RRP1: variants seen among roughly 807,000 people sequenced by gnomAD.
RRP1 encodes the protein ribosomal RNA processing 1.
Under a neutral mutation model 54.6 loss-of-function variants are expected in RRP1, and 37 were observed. The ratio of observed to expected loss-of-function variants is 0.68; its 90% CI spans 0.52 to 0.89. RRP1 has a LOEUF of 0.89. Among genes scored for constraint, RRP1 ranks in the 40% least tolerant of loss-of-function variants. The probability of loss-of-function intolerance (pLI) is 0.00; values close to 1 mark genes in which losing one functional copy is unlikely to be tolerated. For synonymous variants in RRP1, 262 were observed against 244.3 expected, an observed-to-expected ratio of 1.07 and a Z score of -0.67; for missense variants, 639 against 612.5, an observed-to-expected ratio of 1.04 and a Z score of -0.46.
In RRP1 at chr21:43,789,647, G is replaced by A. The variant is rs1305139992; in HGVS notation, c.18G>A (p.Gln6=). Residue 6 remains glutamine, a synonymous_variant, in exon 1 of 13, where the codon CAG becomes CAA. Transcript: ENST00000497547. ...TCGGCGTCATGGTTTCGCGCGTGCA[G>A]CTCCCGCCTGAGATCCAGCTGGCTC... MVSRV[Q]LPPEIQLAQR... 6.3e-7 allele frequency: 1 copy of A among 1,584,110 alleles called. No homozygotes were observed. The highest frequency in any genetic ancestry group is 2.4e-5 in the East Asian group (1 of 42,484).
intron 12 of RRP1, among the ~76,000 whole-genome samples, chr21:43,803,057 G>A (rs2085109797): frequency 6.6e-6 from 1 of 152,230 alleles, no homozygotes; most frequent in Non-Finnish European, 1.5e-5. Context: ...CTGGCCCCAG[G>A]GCCTAGGGAT....
chr21:43,803,938 C>A lies in RRP1; in HGVS notation c.*164C>A. 1 of 845,764 alleles carries A rather than the reference C, an allele frequency of 1.2e-6. No homozygotes were observed. Among genetic ancestry groups the A allele is most frequent in the Non-Finnish European group, 1.8e-6 (1 of 569,430 alleles). 52.4% of individuals were successfully genotyped at this position (845,764 alleles called of 1,614,324 possible). A position where few individuals can be genotyped will look rare whatever the true frequency, so the allele number is the denominator to read the frequency against. ...GAGAGATGGGCCCATCATTAGGGGC[C>A]AGCATCCCAGGAACTGGACCTTTCC... is the stretch of plus-strand genomic sequence containing the variant. On this transcript the variant is annotated 3_prime_UTR_variant, in exon 13 of 13. Coordinates refer to ENST00000497547, the MANE Select transcript of RRP1 (RefSeq NM_003683.6).
rs2084980947 is a variant in RRP1 at position 43,793,382 on chromosome 21, T to G, written c.338T>G (p.Leu113Arg). 1.9e-6 allele frequency: 3 copies of G among 1,613,686 alleles called. No individual in the cohort carries two copies. The African/African-American group carries it at 4.0e-5, about 22-fold the overall frequency. The change falls in exon 4 of 13, where the codon CTG (leucine) becomes CGG (arginine). Residue 113 changes from leucine to arginine, a missense_variant. Coordinates refer to ENST00000497547, the MANE Select transcript of RRP1 (RefSeq NM_003683.6). ...MNREWTGIDR[L>R]RLDKFYMLMR... ...CGCGAGTGGACGGGCATTGACAGGC[T>G]GCGCCTGGATAAATTCTACATGGTG...
rs1405331807 is a variant in RRP1, at chr21:43,795,197, G to T, written c.369G>T (p.Arg123=). ...CTCCTTCTGTGTCAAAGCTCATGCG[G>T]ATGGTCCTGAACGAGTCCTTGAAGG... is the stretch of plus-strand genomic sequence containing the variant. ...LRLDKFYMLM[R]MVLNESLKVL... The change falls in exon 5 of 13, where the codon CGG becomes CGT. Residue 123 remains arginine (R), a synonymous_variant. Transcript: ENST00000497547. 6.2e-7 allele frequency: 1 copy of T among 1,614,112 alleles called. No homozygotes were observed. Among genetic ancestry groups the T allele is most frequent in the East Asian group, 2.2e-5 (1 of 44,880 alleles).
intron 12 of RRP1, among the ~76,000 whole-genome samples, chr21:43,802,939 A>C (rs1325185088): frequency 1.3e-5 from 2 of 152,236 alleles, no homozygotes; most frequent in Non-Finnish European, 2.9e-5. Flanking sequence ...GGTTGAGCAC[A>C]GTGCCGGGCA....
At chr21:43,800,988 C>A in intron 11 of RRP1, 107 bp downstream of exon 11, 2 of 1,193,724 alleles carry the variant, frequency 1.7e-6, no homozygotes, top group Non-Finnish European at 2.5e-6. Flanking sequence ...AGTCTCTTTG[C>A]AGAGAGGCCT....
In RRP1 at chr21:43,802,795, G is replaced by C. The variant is rs561417747; in HGVS notation, c.1123+408G>C. ...ACTTCTTCCCTCCACTTCTGTCCTT[G>C]ATTTCTGGGGCTGCCTTCCGTGTTG... is the stretch of plus-strand genomic sequence containing the variant. On this transcript the variant is annotated intron_variant, in intron 12 of 12. Transcript: ENST00000497547. Among the ~76,000 whole-genome samples, 7 of 152,346 alleles carry C rather than the reference G, an allele frequency of 4.6e-5. No individual in the cohort carries two copies. In the East Asian group the frequency reaches 1.4e-3, roughly 29 times the overall value.
chr21:43,801,853 A>C (rs2085095911), intron 11 of RRP1, among the ~76,000 whole-genome samples: 1 of 152,266 alleles, frequency 6.6e-6, no homozygotes, highest in South Asian at 2.1e-4. Flanking sequence ...CCAAATCCAA[A>C]ATGCCACCAA....
chr21:43,798,981 AG>A (rs1268007979), intron 8 of RRP1, among the ~76,000 whole-genome samples: 2 of 139,260 alleles, frequency 1.4e-5, no homozygotes, highest in Non-Finnish European at 3.0e-5. Context: ...CTTCTCTCTC[AG>A]TAGCTGAGGT....
chr21:43,802,487 G>A (rs987181373), intron 12 of RRP1, 100 bp downstream of exon 12: 7 of 916,924 alleles, frequency 7.6e-6, no homozygotes, highest in Non-Finnish European at 1.1e-5. Context: ...TGAAGCATGA[G>A]TGCCGAGTCC....
At position 43,800,890 on chromosome 21, in the gene RRP1, C is replaced by A; in HGVS notation, c.1009+9C>A. The stretch of plus-strand genomic sequence containing the variant: ...GCAGGACCTGGCAGGAGGTGAGGAT[C>A]GGCCGGGCACTGACAGTGGCACCAC... On this transcript the variant is annotated intron_variant, in intron 11 of 12. Coordinates refer to ENST00000497547, the MANE Select transcript of RRP1 (RefSeq NM_003683.6). 1.2e-6 allele frequency: 2 copies of A among 1,613,638 alleles called. No homozygotes were observed. Among genetic ancestry groups the A allele is most frequent in the Non-Finnish European group, 1.7e-6 (2 of 1,179,994 alleles).
At chr21:43,793,039 C>T (rs1324338060) in intron 3 of RRP1, 2 of 552,726 alleles carry the variant, frequency 3.6e-6, no homozygotes, top group Non-Finnish European at 6.4e-6. Flanking sequence ...CCTGATGGTC[C>T]TGAGGTTCCT....
intron 1 of RRP1, 30 bp downstream of exon 1, chr21:43,789,792 C>A: frequency 2.0e-6 from 3 of 1,485,338 alleles, no homozygotes; most frequent in Non-Finnish European, 2.7e-6. Flanking sequence ...GCTGGCGTCT[C>A]GGGGGCCGGC....
intron 5 of RRP1, 39 bp downstream of exon 5, chr21:43,795,289 C>A: frequency 1.3e-6 from 2 of 1,596,494 alleles, no homozygotes; most frequent in South Asian, 1.1e-5. Context: ...GGACGCTGTT[C>A]TCGGGGACCG....
At chr21:43,791,295 C>T in intron 1 of RRP1, 55 bp from the exon 2 acceptor site, 5 of 1,579,076 alleles carry the variant, frequency 3.2e-6, no homozygotes, top group Non-Finnish European at 4.4e-6. Context: ...GGCTTCCTTT[C>T]TGGCACTCGA....
In RRP1 at chr21:43,792,690, A is replaced by G. The variant is rs771027384; in HGVS notation, c.235A>G (p.Ile79Val). The stretch of plus-strand genomic sequence containing the variant: ...TACACAGGAAGAATTAGGAAGGACT[A>G]TTTCCCAGCTCGTTCATGCTTTTCA... ...PLLQEELGRT[I>V]SQLVHAFQTT... The change falls in exon 3 of 13, where the codon ATT becomes GTT. Residue 79 changes from isoleucine (I) to valine (V), a missense_variant. Transcript: ENST00000497547. 11 of 1,614,002 alleles carry G rather than the reference A, an allele frequency of 6.8e-6. No homozygotes were observed. Among genetic ancestry groups the G allele is most frequent in the Admixed American group, 3.3e-5 (2 of 60,002 alleles).
rs34224504 is a variant in RRP1, at chr21:43,797,658, A to G, written c.580A>G (p.Ile194Val). ...ELTADQNLKF[I>V]DPFCRIAART... ...TACGGCAGACCAGAACCTGAAGTTC[A>G]TCGACCCCTTCTGCAGAATTGCTGC... The change falls in exon 7 of 13, where the codon ATC (isoleucine) becomes GTC (valine). Residue 194 changes from isoleucine to valine, a missense_variant. Physicochemically the swap from Ile to Val is conservative, Grantham distance 29. Coordinates refer to ENST00000497547, the MANE Select transcript of RRP1 (RefSeq NM_003683.6). The G allele has an allele frequency of 6.6e-3, 10,599 of 1,614,106 alleles. 65 individuals carry two copies. Among genetic ancestry groups the G allele is most frequent in the Middle Eastern group, 0.014 (84 of 6,062 alleles).
At chr21:43,800,215 G>C (rs2085071043) in intron 9 of RRP1, among the ~76,000 whole-genome samples, 1 of 152,258 alleles carries the variant, frequency 6.6e-6, no homozygotes, top group African/African-American at 2.4e-5. Context: ...TTCCTAGAGT[G>C]GTAAAGCTGC....
rs757206842 is a variant in RRP1, at chr21:43,789,759, G to T, written c.130G>T (p.Ala44Ser). 14 of 1,518,094 alleles carry T rather than the reference G, an allele frequency of 9.2e-6. No homozygotes were observed. The African/African-American group carries it at 1.9e-4, about 20-fold the overall frequency. 94.0% of individuals were successfully genotyped at this position (1,518,094 alleles called of 1,614,324 possible). The stretch of plus-strand genomic sequence containing the variant: ...CATCGTCGCCAGGACTCAGCGGGCC[G>T]CAGGTTGGCGGGGGTGTGGGCGGCT... ...KYIVARTQRA[A>S]GGFTHDELLK... is the part of the protein sequence containing the mutation. Residue 44 changes from alanine to serine, a missense_variant, in exon 1 of 13, where the codon GCA becomes TCA. By Grantham distance (99) the Ala-to-Ser change is moderately conservative. Transcript: ENST00000497547.
Sources: gnomAD v4.1 joint callset for allele counts (sites outside exome capture counted in the v4.1 genomes callset) on GRCh38, gnomAD v4.1.1 for gene constraint, MANE v1.5 for transcripts, NCBI Gene and HGNC (gene_info 2026-07-23, HGNC 2026-07-21) for gene names.